The following CDH13 variants were observed in gnomAD, a reference collection of about 807,000 sequenced individuals.
CDH13 encodes cadherin-13.
In CDH13, 24 loss-of-function variants were observed where a neutral mutation model predicts 63.8. The ratio of observed to expected loss-of-function variants is 0.38; its 90% CI spans 0.27 to 0.53. The LOEUF is 0.53. Ranked by LOEUF, CDH13 falls within the 20% of genes least tolerant of loss-of-function variation. The probability of loss-of-function intolerance (pLI) is 0.85; values close to 1 mark genes in which losing one functional copy is unlikely to be tolerated. For synonymous variants in CDH13, 503 were observed against 355.3 expected (o/e 1.42, Z -4.67); for missense variants, 1,049 against 903.1 (o/e 1.16, Z -2.07).
At chr16:83,616,994 C>G (rs1909338085) in intron 8 of CDH13, among the ~76,000 whole-genome samples, 1 of 152,170 alleles carries the variant, frequency 6.6e-6, no homozygotes, top group Non-Finnish European at 1.5e-5. Flanking sequence ...TTATCCTTCA[C>G]CACCCAACTT....
chr16:83,548,350 G>T (rs1193738486), intron 7 of CDH13, among the ~76,000 whole-genome samples: 2 of 152,098 alleles, frequency 1.3e-5, no homozygotes, highest in East Asian at 3.9e-4. Flanking sequence ...TGGTGGGAAG[G>T]GGATGCTACT....
intron 10 of CDH13, among the ~76,000 whole-genome samples, chr16:83,745,064 T>C (rs1912445568): frequency 6.6e-6 from 1 of 152,158 alleles, no homozygotes; most frequent in African/African-American, 2.4e-5. Context: ...GGAATAATAT[T>C]ATCAACCTCC....
chr16:83,320,727 G>A (rs569258238), intron 5 of CDH13, among the ~76,000 whole-genome samples: 8 of 152,254 alleles, frequency 5.3e-5, no homozygotes, highest in South Asian at 4.1e-4. Flanking sequence ...CATTAGTTCC[G>A]GTTGCTTATT....
intron 1 of CDH13, among the ~76,000 whole-genome samples, chr16:82,751,490 A>G (rs927083276): frequency 2.0e-5 from 3 of 152,032 alleles, no homozygotes; most frequent in Admixed American, 6.6e-5. Context: ...CTCCTACTAC[A>G]GCACCTCATT....
At chr16:83,784,458 C>T (rs567028239) in intron 13 of CDH13, among the ~76,000 whole-genome samples, 57 of 152,076 alleles carry the variant, frequency 3.7e-4, no homozygotes, top group Admixed American at 2.0e-4. Flanking sequence ...ATGGTGAAAC[C>T]TTGTGTCTAC....
chr16:83,275,134 G>C (rs1417980783), intron 5 of CDH13, among the ~76,000 whole-genome samples: 1 of 152,140 alleles, frequency 6.6e-6, no homozygotes, highest in Non-Finnish European at 1.5e-5. Context: ...GTACACATTA[G>C]ACATCCAATA....
intron 1 of CDH13, among the ~76,000 whole-genome samples, chr16:82,692,689 TC>T (rs766321764): frequency 5.9e-5 from 9 of 152,276 alleles, no homozygotes; most frequent in Admixed American, 2.0e-4. Flanking sequence ...GGCAGTGTGG[TC>T]CTTAGCAATC....
In CDH13 at chr16:82,812,716, A is replaced by T. The variant is rs148934287; in HGVS notation, c.46-45646A>T. On this transcript the variant is annotated intron_variant, in intron 1 of 13. Transcript: ENST00000567109. ...CTTTTAAGAAGTTTGGCGGCTAAAA[A>T]GGAGACAGATAGTGAAGTAGTTGGA... Among the ~76,000 whole-genome samples, 28 of 152,330 alleles carry T rather than the reference A, an allele frequency of 1.8e-4. No homozygotes were observed. The East Asian group carries it at 5.4e-3, about 29-fold the overall frequency.
In CDH13 at chr16:83,694,154, G is replaced by A. The variant is rs79530070; in HGVS notation, c.1538+15693G>A. 1.3e-4 allele frequency among the ~76,000 whole-genome samples: 20 copies of A among 152,276 alleles called. No homozygotes were observed. The East Asian group carries it at 2.5e-3, about 19-fold the overall frequency. The stretch of plus-strand genomic sequence containing the variant: ...GACAGACTGGAAAAAATGAGTAGCC[G>A]CCAGATAGAACTCAAGGGGAGGGAA... On this transcript the variant is annotated intron_variant, in intron 10 of 13. Coordinates refer to ENST00000567109, the MANE Select transcript of CDH13 (RefSeq NM_001257.5).
At chr16:83,503,972 A>G (rs1215403738) in intron 7 of CDH13, among the ~76,000 whole-genome samples, 4 of 151,874 alleles carry the variant, frequency 2.6e-5, no homozygotes, top group Non-Finnish European at 4.4e-5. Context: ...GGGGCAAGGG[A>G]AGGGACAGCA....
At chr16:83,367,840 G>A (rs956825069) in intron 6 of CDH13, among the ~76,000 whole-genome samples, 7 of 152,152 alleles carry the variant, frequency 4.6e-5, no homozygotes, top group South Asian at 2.1e-4. Context: ...ATTTTGAAAG[G>A]CACTGTTTTG....
chr16:83,579,146 C>T (rs1175450326), intron 7 of CDH13, among the ~76,000 whole-genome samples: 2 of 152,198 alleles, frequency 1.3e-5, no homozygotes, highest in Non-Finnish European at 2.9e-5. Context: ...CAGGGCTGTA[C>T]CTACTGTGGC....
chr16:82,701,971 G>C (rs1244752259), intron 1 of CDH13, among the ~76,000 whole-genome samples: 1 of 152,152 alleles, frequency 6.6e-6, no homozygotes, highest in Admixed American at 6.5e-5. Context: ...GCTGTTCTTG[G>C]AGCAAGGACA....
chr16:82,727,047 G>A (rs966250119), intron 1 of CDH13, among the ~76,000 whole-genome samples: 2 of 152,114 alleles, frequency 1.3e-5, no homozygotes, highest in African/African-American at 4.8e-5. Context: ...ATCAGAAATT[G>A]CCTGTGCCTA....
At chr16:83,567,660 A>T (rs1904295355) in intron 7 of CDH13, among the ~76,000 whole-genome samples, 1 of 152,102 alleles carries the variant, frequency 6.6e-6, no homozygotes, top group Admixed American at 6.5e-5. Context: ...CAGTGGTGCG[A>T]TCTGGGCTCG....
At chr16:83,512,686 A>G (rs1016323413) in intron 7 of CDH13, among the ~76,000 whole-genome samples, 53 of 150,258 alleles carry the variant, frequency 3.5e-4, no homozygotes, top group Admixed American at 1.3e-4. Flanking sequence ...TAATAATAAT[A>G]TAATAATAAT....
chr16:83,569,233 C>G (rs1314410519), intron 7 of CDH13, among the ~76,000 whole-genome samples: 3 of 152,152 alleles, frequency 2.0e-5, no homozygotes, highest in Non-Finnish European at 2.9e-5. Context: ...TCTTTTCAGA[C>G]TCAGCTTAAA....
chr16:83,103,144 G>C (rs181294042), intron 3 of CDH13, among the ~76,000 whole-genome samples: 21 of 150,392 alleles, frequency 1.4e-4, no homozygotes, highest in African/African-American at 3.9e-4. Flanking sequence ...GTAGAGATGG[G>C]GTTCCACCAT....
intron 6 of CDH13, among the ~76,000 whole-genome samples, chr16:83,401,727 C>T (rs1049819634): frequency 6.6e-6 from 1 of 152,132 alleles, no homozygotes; most frequent in African/African-American, 2.4e-5. Context: ...TGGTAAGTAG[C>T]AGAGCTAGAA....
Sources: gnomAD v4.1 joint callset for allele counts (sites outside exome capture counted in the v4.1 genomes callset) on GRCh38, gnomAD v4.1.1 for gene constraint, MANE v1.5 for transcripts, NCBI Gene and HGNC (gene_info 2026-07-23, HGNC 2026-07-21) for gene names.